The following KCNH8 variants were observed in gnomAD, a reference collection of about 807,000 sequenced individuals.
The protein encoded by KCNH8 is potassium voltage-gated channel subfamily H member 8.
KCNH8 carries 70 observed loss-of-function variants against 103.6 expected under a neutral mutation model. The ratio of observed to expected loss-of-function variants is 0.68; its 90% CI spans 0.56 to 0.82. The LOEUF (loss-of-function observed/expected upper bound fraction) is 0.82, where lower values mean the gene tolerates loss of function less well. Among genes scored for constraint, KCNH8 ranks in the 40% least tolerant of loss-of-function variants. The pLI, the probability that KCNH8 is intolerant of heterozygous loss-of-function variation, is 0.00. For synonymous variants in KCNH8, 498 were observed against 489.4 expected (o/e 1.02, Z -0.23); for missense variants, 1,217 against 1,329.9 (o/e 0.92, Z 1.32).
chr3:19,190,110 A>G (rs552613440), intron 1 of KCNH8, among the ~76,000 whole-genome samples: 69 of 151,952 alleles, frequency 4.5e-4, no homozygotes, highest in Non-Finnish European at 7.7e-4. Flanking sequence ...ATCAGAATCA[A>G]TATGTTTGTA....
chr3:19,292,217 A>C (rs2064938452), intron 3 of KCNH8, among the ~76,000 whole-genome samples: 1 of 152,222 alleles, frequency 6.6e-6, no homozygotes. Context: ...CTTATTCATT[A>C]TGTGATAACA....
Position 19,518,078 on chromosome 3 carries a change from T to C in KCNH8, c.2619+4T>C, listed in dbSNP as rs1421461785. 2 of 1,609,364 alleles carry C rather than the reference T, an allele frequency of 1.2e-6. No homozygotes were observed. The highest frequency in any genetic ancestry group is 1.3e-5 in the African/African-American group (1 of 74,868). On this transcript the variant is annotated splice_donor_region_variant and intron_variant, in intron 15 of 15. Coordinates refer to ENST00000328405, the MANE Select transcript of KCNH8 (RefSeq NM_144633.3). The stretch of plus-strand genomic sequence containing the variant: ...GATAAACAAACTCAACAGTGAGGTA[T>C]GGAGCTCTTTCTTTGGTCATGCCTA...
chr3:19,429,162 CTTTTTTTTTT>C (rs575154927), intron 7 of KCNH8, among the ~76,000 whole-genome samples: 12 of 89,856 alleles, frequency 1.3e-4, no homozygotes, highest in East Asian at 7.6e-4. Context: ...AGAATCCACT[CTTTTTTTTTT>C]TTTTTTTTTT....
intron 3 of KCNH8, among the ~76,000 whole-genome samples, chr3:19,333,700 C>G (rs1382534440): frequency 6.6e-6 from 1 of 152,264 alleles, no homozygotes; most frequent in Non-Finnish European, 1.5e-5. Flanking sequence ...TTCCAGCCAA[C>G]AGAAACAATT....
intron 11 of KCNH8, among the ~76,000 whole-genome samples, chr3:19,496,812 G>A (rs559265522): frequency 7.9e-5 from 12 of 152,174 alleles, no homozygotes; most frequent in Middle Eastern, 3.4e-3. Flanking sequence ...CTGTGAATCC[G>A]TCTACTTCTC....
At chr3:19,190,801 T>C (rs1291551541) in intron 1 of KCNH8, among the ~76,000 whole-genome samples, 1 of 151,916 alleles carries the variant, frequency 6.6e-6, no homozygotes, top group Non-Finnish European at 1.5e-5. Flanking sequence ...CATTTGTAGC[T>C]TCCTGTTTCA....
chr3:19,213,437 G>T (rs2063789462), intron 1 of KCNH8, among the ~76,000 whole-genome samples: 1 of 151,236 alleles, frequency 6.6e-6, no homozygotes, highest in Non-Finnish European at 1.5e-5. Flanking sequence ...ATGTATAACT[G>T]CTTACTGGGT....
chr3:19,340,606 A>T (rs1265073761), intron 3 of KCNH8, among the ~76,000 whole-genome samples: 2 of 152,146 alleles, frequency 1.3e-5, no homozygotes, highest in African/African-American at 4.8e-5. Context: ...AAAGAAAATA[A>T]TATAGCTAGA....
Position 19,253,849 on chromosome 3 carries a change from C to G in KCNH8, c.272C>G (p.Thr91Arg). The change falls in exon 2 of 16, where the codon ACA becomes AGA. Residue 91 changes from threonine (T) to arginine (R), a missense_variant. Thr to Arg is a moderately conservative substitution (Grantham distance 71, BLOSUM62 -1). This residue lies in a region of KCNH8 where 244 missense variants were observed against 256.8 expected (regional missense o/e 0.95). Coordinates refer to ENST00000328405, the MANE Select transcript of KCNH8 (RefSeq NM_144633.3). The stretch of plus-strand genomic sequence containing the variant: ...ATAGAAAAGTCACTGGAGGAGAAAA[C>G]AGAATTCAAAGGAGAAATTATGTTC... The part of the protein sequence containing the change: ...LQIEKSLEEK[T>R]EFKGEIMFYK... 9 of 1,613,574 alleles carry G rather than the reference C, an allele frequency of 5.6e-6. No homozygotes were observed. Among genetic ancestry groups the G allele is most frequent in the Non-Finnish European group, 7.6e-6 (9 of 1,179,710 alleles).
rs759222860 is a variant in KCNH8 at position 19,513,032 on chromosome 3, AGAG to A, written c.2153_2155del (p.Glu718del). 4 of 1,613,462 alleles carry A rather than the reference AGAG, an allele frequency of 2.5e-6. No homozygotes were observed. Among genetic ancestry groups the A allele is most frequent in the South Asian group, 1.1e-5 (1 of 91,052 alleles). ...TCCCATCCATTGTGGAAGATGAGGA[AGAG>A]GAGGAGGAGGGGGAGGAAGAGGAGG... On this transcript the variant is annotated inframe_deletion, in exon 13 of 16. Transcript: ENST00000328405.
At chr3:19,289,204 T>C (rs1169662567) in intron 3 of KCNH8, among the ~76,000 whole-genome samples, 1 of 152,028 alleles carries the variant, frequency 6.6e-6, no homozygotes, top group Non-Finnish European at 1.5e-5. Flanking sequence ...GTAGTTTCTT[T>C]TGCTGTGCAG....
chr3:19,443,267 A>G (rs892403227), intron 8 of KCNH8, among the ~76,000 whole-genome samples: 1 of 151,398 alleles, frequency 6.6e-6, no homozygotes, highest in African/African-American at 2.4e-5. Flanking sequence ...GACAGAGATA[A>G]TATTGCTCAG....
At chr3:19,340,811 A>G (rs1230491509) in intron 3 of KCNH8, among the ~76,000 whole-genome samples, 1 of 152,192 alleles carries the variant, frequency 6.6e-6, no homozygotes, top group African/African-American at 2.4e-5. Flanking sequence ...TGGCAAATCC[A>G]TACAGGTCTG....
intron 8 of KCNH8, among the ~76,000 whole-genome samples, chr3:19,444,416 G>A (rs1406909399): frequency 6.6e-6 from 1 of 151,910 alleles, no homozygotes; most frequent in Non-Finnish European, 1.5e-5. Context: ...AGGTAATATA[G>A]GAGAATATTT....
At chr3:19,352,358 G>C (rs1349441198) in intron 5 of KCNH8, among the ~76,000 whole-genome samples, 2 of 152,066 alleles carry the variant, frequency 1.3e-5, no homozygotes, top group Non-Finnish European at 1.5e-5. Flanking sequence ...TCCAGGAATT[G>C]AACTCAGCTC....
intron 3 of KCNH8, 74 bp downstream of exon 3, chr3:19,281,403 A>G (rs2125274399): frequency 7.3e-7 from 1 of 1,372,652 alleles, no homozygotes; most frequent in African/African-American, 1.5e-5. Flanking sequence ...ACTCTTGGAG[A>G]AAAACATGCA....
intron 1 of KCNH8, among the ~76,000 whole-genome samples, chr3:19,196,808 T>C (rs764485647): frequency 6.6e-6 from 1 of 152,106 alleles, no homozygotes; most frequent in Non-Finnish European, 1.5e-5. Context: ...GATACCTATA[T>C]GCTTTATGTT....
At chr3:19,395,413 C>T (rs2066500929) in intron 7 of KCNH8, 102 bp downstream of exon 7, 1 of 695,436 alleles carries the variant, frequency 1.4e-6, no homozygotes. Flanking sequence ...TATATTTATT[C>T]TTACTATCAA....
At chr3:19,208,653 T>C (rs2063739741) in intron 1 of KCNH8, among the ~76,000 whole-genome samples, 1 of 151,914 alleles carries the variant, frequency 6.6e-6, no homozygotes, top group Non-Finnish European at 1.5e-5. Flanking sequence ...TATAAATTAA[T>C]AAGAGGACAA....
Sources: gnomAD v4.1 joint callset for allele counts (sites outside exome capture counted in the v4.1 genomes callset) on GRCh38, gnomAD v4.1.1 for gene constraint, gnomAD v4.1.1 regional missense constraint, MANE v1.5 for transcripts, NCBI Gene and HGNC (gene_info 2026-07-23, HGNC 2026-07-21) for gene names.